Variants in THSD7A observed in about 807,000 individuals in gnomAD.
THSD7A encodes the protein thrombospondin type-1 domain-containing protein 7A.
Under a neutral mutation model 231.3 loss-of-function variants are expected in THSD7A, and 96 were observed. The observed-to-expected ratio is 0.41, with a 90% CI of 0.35 to 0.49. The LOEUF (loss-of-function observed/expected upper bound fraction) is 0.49, where lower values mean the gene tolerates loss of function less well. Ranked by LOEUF, THSD7A falls within the 20% of genes least tolerant of loss-of-function variation. THSD7A has a pLI of 0.05. For missense variants in THSD7A, 2,290 were observed against 2,070.2 expected (o/e 1.11, Z -2.06); for synonymous variants, 940 against 743.3 (o/e 1.26, Z -4.30).
intron 22 of THSD7A, among the ~76,000 whole-genome samples, chr7:11,402,328 G>C (rs1431807750): frequency 6.6e-6 from 1 of 152,134 alleles, no homozygotes; most frequent in African/African-American, 2.4e-5. Flanking sequence ...TTACACATGA[G>C]TTACACTCAA....
intron 6 of THSD7A, among the ~76,000 whole-genome samples, chr7:11,511,306 A>G (rs1035420481): frequency 6.6e-6 from 1 of 152,224 alleles, no homozygotes; most frequent in African/African-American, 2.4e-5. Context: ...ATGGAAGAAC[A>G]TTCCATGCTC....
At chr7:11,395,139 G>GCAAA (rs1783131891) in intron 23 of THSD7A, among the ~76,000 whole-genome samples, 1 of 126,554 alleles carries the variant, frequency 7.9e-6, no homozygotes, top group Non-Finnish European at 1.6e-5. Context: ...CAAGCAAATG[G>GCAAA]AAAGCAAAAA....
intron 1 of THSD7A, among the ~76,000 whole-genome samples, chr7:11,801,862 T>G (rs1784286551): frequency 6.6e-6 from 1 of 152,194 alleles, no homozygotes; most frequent in South Asian, 2.1e-4. Context: ...AACACATATT[T>G]AAGAACATTT....
chr7:11,695,996 A>G (rs1196679188), intron 1 of THSD7A, among the ~76,000 whole-genome samples: 1 of 151,516 alleles, frequency 6.6e-6, no homozygotes. Flanking sequence ...GGTATTTGCT[A>G]AATGTGTAAA....
In THSD7A at chr7:11,820,944, T is replaced by C. The variant is rs908186983; in HGVS notation, c.190+10813A>G. On this transcript the variant is annotated intron_variant, in intron 1 of 27. Transcript: ENST00000423059. ...ACCTCGCTGAAGATCTCTCTCCTTA[T>C]GTTTTTTATGACGTTCAATATCAAG... The C allele has an allele frequency of 5.9e-6, 6 of 1,015,792 alleles. No individual in the cohort carries two copies. The African/African-American group carries it at 9.6e-5, about 16-fold the overall frequency. 62.9% of individuals were successfully genotyped at this position (1,015,792 alleles called of 1,614,324 possible).
At chr7:11,559,059 C>G (rs1448420295) in intron 4 of THSD7A, among the ~76,000 whole-genome samples, 2 of 152,114 alleles carry the variant, frequency 1.3e-5, no homozygotes, top group Non-Finnish European at 2.9e-5. Context: ...GGCCAGGAGC[C>G]AAGGGATGTG....
At chr7:11,457,619 C>T (rs1001244166) in intron 11 of THSD7A, among the ~76,000 whole-genome samples, 1 of 152,084 alleles carries the variant, frequency 6.6e-6, no homozygotes, top group Non-Finnish European at 1.5e-5. Context: ...CTGCTTTCAT[C>T]AGGTCCTTGC....
intron 11 of THSD7A, among the ~76,000 whole-genome samples, chr7:11,448,134 T>C (rs1023663308): frequency 3.3e-5 from 5 of 152,158 alleles, no homozygotes; most frequent in Admixed American, 1.3e-4. Flanking sequence ...TCTTCATTTA[T>C]TATGTTAAAA....
intron 23 of THSD7A, among the ~76,000 whole-genome samples, chr7:11,396,061 TAAAGCAGAAA>T (rs1562575759): frequency 6.6e-6 from 1 of 151,960 alleles, no homozygotes; most frequent in East Asian, 1.9e-4. Context: ...ATAACAAAAC[TAAAGCAGAAA>T]TAAGTAAGTA....
chr7:11,499,784 G>A (rs112847245), intron 6 of THSD7A, among the ~76,000 whole-genome samples: 4,050 of 152,252 alleles, frequency 0.027, 195 homozygotes, highest in African/African-American at 0.092. Flanking sequence ...CTATTAAAAA[G>A]GGATAATCAA....
intron 16 of THSD7A, among the ~76,000 whole-genome samples, chr7:11,423,044 T>C (rs984041221): frequency 4.6e-5 from 7 of 152,146 alleles, no homozygotes; most frequent in Admixed American, 3.9e-4. Flanking sequence ...GAAAGGAGAA[T>C]AGTGGAAAAC....
At chr7:11,638,516 C>A (rs898375699) in intron 1 of THSD7A, among the ~76,000 whole-genome samples, 9 of 152,150 alleles carry the variant, frequency 5.9e-5, no homozygotes, top group Admixed American at 2.6e-4. Context: ...AATTTCCTTA[C>A]AAATGGCATT....
chr7:11,577,950 A>C (rs1790991882), intron 4 of THSD7A, among the ~76,000 whole-genome samples: 1 of 152,222 alleles, frequency 6.6e-6, no homozygotes, highest in South Asian at 2.1e-4. Context: ...AAGTAAAATT[A>C]ACTGTATTTA....
intron 4 of THSD7A, among the ~76,000 whole-genome samples, chr7:11,588,610 G>T (rs1045120043): frequency 6.6e-6 from 1 of 151,984 alleles, no homozygotes; most frequent in Non-Finnish European, 1.5e-5. Context: ...ATTTAGCAGT[G>T]GTTGGGGGGA....
At chr7:11,727,916 T>G (rs904780023) in intron 1 of THSD7A, among the ~76,000 whole-genome samples, 1 of 151,988 alleles carries the variant, frequency 6.6e-6, no homozygotes, top group South Asian at 2.1e-4. Context: ...ATGTTTATTT[T>G]GTCTTTTAGA....
chr7:11,555,148 C>T (rs1583964939), intron 4 of THSD7A, among the ~76,000 whole-genome samples: 2 of 151,764 alleles, frequency 1.3e-5, no homozygotes, highest in African/African-American at 4.8e-5. Flanking sequence ...CAACTCATTT[C>T]ACTCCCATTT....
chr7:11,472,238 A>C (rs1000438476), intron 8 of THSD7A, among the ~76,000 whole-genome samples: 6 of 152,162 alleles, frequency 3.9e-5, no homozygotes, highest in African/African-American at 1.4e-4. Context: ...GGTTTAAATC[A>C]AGAAATTGAT....
intron 6 of THSD7A, among the ~76,000 whole-genome samples, chr7:11,526,425 C>T (rs763867817): frequency 6.6e-6 from 1 of 152,138 alleles, no homozygotes; most frequent in South Asian, 2.1e-4. Context: ...TGCCCCTTGG[C>T]ACATTGAGCA....
At chr7:11,508,783 A>C (rs1170037760) in intron 6 of THSD7A, among the ~76,000 whole-genome samples, 1 of 152,266 alleles carries the variant, frequency 6.6e-6, no homozygotes, top group Non-Finnish European at 1.5e-5. Flanking sequence ...AAATTCTGCA[A>C]TATGCAATAA....
Sources: gnomAD v4.1 joint callset for allele counts (sites outside exome capture counted in the v4.1 genomes callset) on GRCh38, gnomAD v4.1.1 for gene constraint, MANE v1.5 for transcripts, NCBI Gene and HGNC (gene_info 2026-07-23, HGNC 2026-07-21) for gene names.